The following ARSJ variants were observed in gnomAD, a reference collection of about 807,000 sequenced individuals.
ARSJ encodes arylsulfatase family member J, also known as arylsulfatase J.
In ARSJ, 26 loss-of-function variants were observed where a neutral mutation model predicts 35.9. The ratio of observed to expected loss-of-function variants is 0.72; its 90% CI spans 0.53 to 1.00. The LOEUF is 1.00. Among genes scored for constraint, ARSJ ranks in the 50% least tolerant of loss-of-function variants. The probability of loss-of-function intolerance (pLI) is 0.00; values close to 1 mark genes in which losing one functional copy is unlikely to be tolerated. For synonymous variants in ARSJ, 294 were observed against 267.6 expected (o/e 1.10, Z -0.96); for missense variants, 667 against 723.6 (o/e 0.92, Z 0.90).
intron 1 of ARSJ, among the ~76,000 whole-genome samples, chr4:113,926,577 G>A (rs1724080686): frequency 6.6e-6 from 1 of 152,136 alleles, no homozygotes; most frequent in African/African-American, 2.4e-5. Context: ...AGGCAGGGTG[G>A]CAGGAGTGGG....
chr4:113,924,830 C>A (rs1723950712), intron 1 of ARSJ, among the ~76,000 whole-genome samples: 1 of 152,174 alleles, frequency 6.6e-6, no homozygotes, highest in Admixed American at 6.5e-5. Context: ...CTCGTTTCTG[C>A]AGCTGGTCAC....
chr4:113,945,229 G>A (rs907753066), intron 1 of ARSJ, among the ~76,000 whole-genome samples: 7 of 151,960 alleles, frequency 4.6e-5, no homozygotes, highest in Non-Finnish European at 7.4e-5. Flanking sequence ...TGACCTCCTC[G>A]GTTCAAGCAA....
At chr4:113,962,770 G>C (rs1189023189) in intron 1 of ARSJ, among the ~76,000 whole-genome samples, 1 of 152,008 alleles carries the variant, frequency 6.6e-6, no homozygotes, top group African/African-American at 2.4e-5. Context: ...AGTTAGATCA[G>C]GTTCCCCTTC....
intron 1 of ARSJ, among the ~76,000 whole-genome samples, chr4:113,948,286 T>A (rs1477380239): frequency 3.3e-5 from 5 of 152,154 alleles, no homozygotes; most frequent in Non-Finnish European, 5.9e-5. Flanking sequence ...TATATTAGCC[T>A]GAGTAGGAAA....
At chr4:113,942,160 G>T (rs918056926) in intron 1 of ARSJ, among the ~76,000 whole-genome samples, 2 of 151,950 alleles carry the variant, frequency 1.3e-5, no homozygotes, top group Non-Finnish European at 2.9e-5. Flanking sequence ...GAGTGATAAA[G>T]GTTGGAAAAG....
chr4:113,941,390 C>T (rs1298553125), intron 1 of ARSJ, among the ~76,000 whole-genome samples: 1 of 151,894 alleles, frequency 6.6e-6, no homozygotes, highest in Admixed American at 6.6e-5. Context: ...TTGGTTTCTA[C>T]CACATGGAAG....
At chr4:113,970,080 A>G (rs1594516914) in intron 1 of ARSJ, among the ~76,000 whole-genome samples, 1 of 152,198 alleles carries the variant, frequency 6.6e-6, no homozygotes, top group Non-Finnish European at 1.5e-5. Context: ...GTGAGTTTTA[A>G]TGAGTGGTTG....
At chr4:113,920,973 G>T (rs1410462625) in intron 1 of ARSJ, among the ~76,000 whole-genome samples, 1 of 151,978 alleles carries the variant, frequency 6.6e-6, no homozygotes, top group East Asian at 1.9e-4. Flanking sequence ...ATTAAAGCTG[G>T]GCTTGCTACA....
chr4:113,937,657 A>G (rs1724850423), intron 1 of ARSJ, among the ~76,000 whole-genome samples: 2 of 152,120 alleles, frequency 1.3e-5, no homozygotes, highest in Admixed American at 1.3e-4. Flanking sequence ...CTCAGCCTAA[A>G]AGCTACTTAA....
At chr4:113,975,458 TA>T (rs1490484960) in intron 1 of ARSJ, among the ~76,000 whole-genome samples, 1 of 152,184 alleles carries the variant, frequency 6.6e-6, no homozygotes, top group Non-Finnish European at 1.5e-5. Flanking sequence ...ATGATATTTT[TA>T]ATCCATATCT....
At position 113,902,221 on chromosome 4, in the gene ARSJ, CAG is replaced by C. The variant is rs2099667299; in HGVS notation, c.*51_*52del. ...CAAATTTGCTGGTTTACCTAGGAAA[CAG>C]ATGAAAGATAAGAACTGATTAAAGT... On this transcript the variant is annotated 3_prime_UTR_variant, in exon 2 of 2. Coordinates refer to ENST00000315366, the MANE Select transcript of ARSJ (RefSeq NM_024590.4). The C allele has an allele frequency of 6.2e-7, 1 of 1,600,554 alleles. No individual in the cohort carries two copies. Among genetic ancestry groups the C allele is most frequent in the Non-Finnish European group, 8.5e-7 (1 of 1,179,960 alleles).
At chr4:113,955,607 A>G (rs1289728740) in intron 1 of ARSJ, among the ~76,000 whole-genome samples, 4 of 152,112 alleles carry the variant, frequency 2.6e-5, no homozygotes, top group Non-Finnish European at 5.9e-5. Context: ...CATGCACATA[A>G]TAATTACTAA....
rs186213277 is a variant in ARSJ at position 113,969,126 on chromosome 4, T to C, written c.398+9311A>G. ...ATTTCCAATTTCTCATTTAGTGTTATACTTTTAACATCACTGTTTAAATAC... is the reference window on the plus strand; with the variant it reads ...ATTTCCAATTTCTCATTTAGTGTTACACTTTTAACATCACTGTTTAAATAC... On this transcript the variant is annotated intron_variant, in intron 1 of 1. Transcript: ENST00000315366. Among the ~76,000 whole-genome samples the C allele has an allele frequency of 1.8e-4, 28 of 152,352 alleles. No homozygotes were observed. In the East Asian group the frequency reaches 3.7e-3, roughly 20 times the overall value.
intron 1 of ARSJ, among the ~76,000 whole-genome samples, chr4:113,949,937 A>T (rs1422248458): frequency 1.5e-4 from 23 of 152,074 alleles, no homozygotes; most frequent in Admixed American, 1.5e-3. Flanking sequence ...TAATTTTAAA[A>T]GCTCTTTGGT....
rs1306757798 is a variant in ARSJ at position 113,901,948 on chromosome 4, TCTC to T, written c.*323_*325del. 5 of 427,598 alleles carry T rather than the reference TCTC, an allele frequency of 1.2e-5. No homozygotes were observed. The highest frequency in any genetic ancestry group is 5.5e-5 in the East Asian group (1 of 18,240). The allele number at this position is 427,598 out of a possible 1,614,324, so 26.5% of individuals were successfully genotyped here. On this transcript the variant is annotated 3_prime_UTR_variant, in exon 2 of 2. Coordinates refer to ENST00000315366, the MANE Select transcript of ARSJ (RefSeq NM_024590.4). Reference sequence around the variant, plus strand: ...ATGCTTGCGGATGGTAGGTTATTGTTCTCCTCCTATAATTCAAAGCAGTGTTTG... The same window carrying T: ...ATGCTTGCGGATGGTAGGTTATTGTTCTCCTATAATTCAAAGCAGTGTTTG...
At chr4:113,950,587 G>A (rs538090360) in intron 1 of ARSJ, among the ~76,000 whole-genome samples, 1 of 152,160 alleles carries the variant, frequency 6.6e-6, no homozygotes, top group East Asian at 1.9e-4. Context: ...GGAAAGGGAA[G>A]AAAGAGAGGG....
chr4:113,971,250 G>C (rs1019406487), intron 1 of ARSJ, among the ~76,000 whole-genome samples: 23 of 152,214 alleles, frequency 1.5e-4, no homozygotes, highest in African/African-American at 4.8e-4. Flanking sequence ...CTTTTATACT[G>C]AGCTCATATT....
chr4:113,931,100 C>T (rs562775908), intron 1 of ARSJ, among the ~76,000 whole-genome samples: 8 of 151,394 alleles, frequency 5.3e-5, no homozygotes, highest in Admixed American at 2.6e-4. Context: ...GGGTGCAGCG[C>T]ACCAGCATGG....
chr4:113,928,844 G>C (rs867798689), intron 1 of ARSJ, among the ~76,000 whole-genome samples: 8 of 152,262 alleles, frequency 5.3e-5, no homozygotes, highest in Middle Eastern at 3.4e-3. Context: ...GACCCTCCCA[G>C]TTGGGATGAG....
Sources: allele counts gnomAD v4.1 joint callset (sites outside exome capture counted in the v4.1 genomes callset), GRCh38; gene constraint gnomAD v4.1.1; transcripts MANE v1.5; gene names NCBI Gene and HGNC (gene_info 2026-07-23, HGNC 2026-07-21).